The following MID2 variants were observed in gnomAD, a reference collection of about 807,000 sequenced individuals.
The protein encoded by MID2 is probable E3 ubiquitin-protein ligase MID2.
In MID2, 13 loss-of-function variants were observed where a neutral mutation model predicts 46.1. The observed-to-expected ratio is 0.28, with a 90% confidence interval of 0.18 to 0.45. MID2 has a LOEUF of 0.45. MID2 is among the 20% of genes least tolerant of loss of function. The pLI, the probability that MID2 is intolerant of heterozygous loss-of-function variation, is 1.00. For synonymous variants in MID2, 199 were observed against 212.3 expected (o/e 0.94, Z 0.55); for missense variants, 431 against 575.4 (o/e 0.75, Z 2.57).
chrX:107,879,786 T>G (rs1205198528), intron 3 of MID2, among the ~76,000 whole-genome samples: 1 of 111,278 alleles, frequency 9.0e-6, no homozygotes, highest in Non-Finnish European at 1.9e-5. Context: ...ATTTTATTCT[T>G]ATTTTACAGG....
In MID2 at chrX:107,915,991, C is replaced by T. The variant is rs1012267610; in HGVS notation, c.1074-11C>T. 2.5e-6 allele frequency: 3 copies of T among 1,200,682 alleles called. No individual in the cohort carries two copies. Among genetic ancestry groups the T allele is most frequent in the Admixed American group, 4.6e-5 (2 of 43,692 alleles). ...TTTTGATGTATATTGATGTACTTTT[C>T]TCTTTTTCAGGGTCGCTATGGCAAC... is the stretch of plus-strand genomic sequence containing the variant. On this transcript the variant is annotated splice_polypyrimidine_tract_variant and intron_variant, in intron 5 of 9. Transcript: ENST00000262843.
rs755341483 is a variant in MID2, at chrX:107,891,026, G to T, written c.817-12932G>T. On this transcript the variant is annotated intron_variant, in intron 3 of 9. Transcript: ENST00000262843. The stretch of plus-strand genomic sequence containing the variant: ...GGTGCTGTCTCTCACCCGTTTCTTT[G>T]ACTAGGAAAGGGAATTCCCTGACCC... Among the ~76,000 whole-genome samples the T allele has an allele frequency of 2.7e-5, 3 of 110,437 alleles. No homozygotes were observed. In the South Asian group the frequency reaches 1.2e-3, roughly 44 times the overall value.
At chrX:107,926,599 CAT>C in intron 9 of MID2, 70 bp from the exon 10 acceptor site, 14 of 963,389 alleles carry the variant, frequency 1.5e-5, no homozygotes, top group Non-Finnish European at 2.0e-5. Context: ...TGTTATATAT[CAT>C]ATATGGTGTC....
intron 3 of MID2, chrX:107,895,880 G>A (rs1932721171): frequency 8.9e-6 from 1 of 111,913 alleles, no homozygotes; most frequent in Non-Finnish European, 1.9e-5. Context: ...CCATATTTCT[G>A]TCTCTTAAGT....
At chrX:107,886,457 C>G (rs1348327712) in intron 3 of MID2, among the ~76,000 whole-genome samples, 2 of 111,542 alleles carry the variant, frequency 1.8e-5, no homozygotes, top group African/African-American at 3.3e-5. Flanking sequence ...ATTTCTGAGG[C>G]CTCTGTTCTG....
intron 3 of MID2, among the ~76,000 whole-genome samples, chrX:107,888,412 A>T (rs1014556159): frequency 1.8e-5 from 2 of 112,113 alleles, no homozygotes; most frequent in African/African-American, 6.5e-5. Flanking sequence ...CAGGTTGTTC[A>T]GTTTCCATGT....
At chrX:107,894,828 A>AGT (rs1160011458) in intron 3 of MID2, 11,888 of 80,749 alleles carry the variant, frequency 0.15, 705 homozygotes, top group Middle Eastern at 0.21. Context: ...GAGTGGGGTG[A>AGT]GTGTGTGTGT....
chrX:107,878,439 G>A (rs1002072663), intron 3 of MID2, among the ~76,000 whole-genome samples: 1 of 112,394 alleles, frequency 8.9e-6, no homozygotes, highest in Admixed American at 9.4e-5. Flanking sequence ...TTGCATATCT[G>A]ATTGCTGGGC....
intron 6 of MID2, among the ~76,000 whole-genome samples, chrX:107,917,168 T>A (rs1941436847): frequency 9.0e-6 from 1 of 111,711 alleles, no homozygotes; most frequent in South Asian, 3.7e-4. Context: ...TTTTGAAATT[T>A]AAAAAAATAA....
rs1321953940 is a variant in MID2, at chrX:107,826,408, G to C, written c.-19G>C. Reference sequence around the variant, plus strand: ...CGCCCTCGAGCGAGCGGAGGAGATGGCTGGCACCTGGGAACGCTATGGGTA... The same window carrying C: ...CGCCCTCGAGCGAGCGGAGGAGATGCCTGGCACCTGGGAACGCTATGGGTA... On this transcript the variant is annotated 5_prime_UTR_variant, in exon 1 of 10. Coordinates refer to ENST00000262843, the MANE Select transcript of MID2 (RefSeq NM_012216.4). 7 of 1,136,532 alleles carry C rather than the reference G, an allele frequency of 6.2e-6. No individual in the cohort carries two copies. Among genetic ancestry groups the C allele is most frequent in the African/African-American group, 1.9e-5 (1 of 52,891 alleles). 93.7% of individuals were successfully genotyped at this position (1,136,532 alleles called of 1,213,427 possible).
Position 107,917,564 on chromosome X carries a change from A to G in MID2, c.1260A>G (p.Thr420=). 8.3e-7 allele frequency: 1 copy of G among 1,211,242 alleles called. No individual in the cohort carries two copies. ...GTACTGCCTCCCATGACACCATTAC[A>G]GTCCACTGGATCTCGGATGATGAGT... is the stretch of plus-strand genomic sequence containing the variant. ...ELCTASHDTI[T]VHWISDDEFS... The change falls in exon 7 of 10, where the codon ACA becomes ACG. Residue 420 remains threonine (T), a synonymous_variant. Transcript: ENST00000262843.
intron 3 of MID2, among the ~76,000 whole-genome samples, chrX:107,881,463 C>T (rs763255560): frequency 5.3e-5 from 6 of 112,515 alleles, no homozygotes; most frequent in Non-Finnish European, 9.4e-5. Flanking sequence ...AGATTTCTCA[C>T]TCTCTTTGTT....
At chrX:107,902,976 G>A (rs951965180) in intron 3 of MID2, among the ~76,000 whole-genome samples, 1 of 111,123 alleles carries the variant, frequency 9.0e-6, no homozygotes, top group African/African-American at 3.3e-5. Context: ...GACAGAACTC[G>A]GTTTGAATTC....
chrX:107,870,400 A>T (rs1025232431), intron 3 of MID2, among the ~76,000 whole-genome samples: 2 of 110,074 alleles, frequency 1.8e-5, no homozygotes, highest in Admixed American at 9.8e-5. Context: ...TGTGAGAATG[A>T]TTTGTTCTTT....
chrX:107,865,421 G>A (rs746252226), intron 3 of MID2, among the ~76,000 whole-genome samples: 1 of 112,434 alleles, frequency 8.9e-6, no homozygotes, highest in African/African-American at 3.2e-5. Flanking sequence ...GCTGTGCCTG[G>A]CTGTTCATCT....
chrX:107,909,483 C>T (rs936662758), intron 5 of MID2, among the ~76,000 whole-genome samples: 14 of 111,846 alleles, frequency 1.3e-4, no homozygotes, highest in Non-Finnish European at 2.4e-4. Context: ...AGAATTCTCT[C>T]TGCAGCTTTT....
At chrX:107,826,889 G>C (rs1930965848) in intron 1 of MID2, among the ~76,000 whole-genome samples, 1 of 113,529 alleles carries the variant, frequency 8.8e-6, no homozygotes, top group Admixed American at 9.2e-5. Flanking sequence ...GCAGCAGCCG[G>C]CGTGGCTGCG....
chrX:107,916,248 G>C (rs1932968983), intron 6 of MID2, 119 bp downstream of exon 6: 2 of 540,095 alleles, frequency 3.7e-6, no homozygotes, highest in African/African-American at 2.4e-5. Context: ...TCTTTAAAAT[G>C]ATGCATGTGT....
intron 3 of MID2, among the ~76,000 whole-genome samples, chrX:107,903,559 G>C (rs1932811955): frequency 8.9e-6 from 1 of 111,951 alleles, no homozygotes; most frequent in Admixed American, 9.5e-5. Flanking sequence ...ACAATATATT[G>C]TTGTAATGTT....
Sources: gnomAD v4.1 joint callset for allele counts (sites outside exome capture counted in the v4.1 genomes callset) on GRCh38, gnomAD v4.1.1 for gene constraint, MANE v1.5 for transcripts, NCBI Gene and HGNC (gene_info 2026-07-23, HGNC 2026-07-21) for gene names.